TRAK1: variants seen among roughly 807,000 people sequenced by gnomAD.
TRAK1 encodes the protein trafficking kinesin-binding protein 1.
A neutral mutation model predicts 92.1 loss-of-function variants in TRAK1; 33 were observed. That is an observed-to-expected ratio of 0.36 (90% CI 0.27 to 0.48). TRAK1 has a LOEUF of 0.48. Among genes scored for constraint, TRAK1 ranks in the 20% least tolerant of loss-of-function variants. The probability of loss-of-function intolerance (pLI) is 0.99; values close to 1 mark genes in which losing one functional copy is unlikely to be tolerated. For missense variants in TRAK1, 1,123 were observed against 1,257.9 expected, an observed-to-expected ratio of 0.89 and a Z score of 1.62; for synonymous variants, 521 against 517.3, an observed-to-expected ratio of 1.01 and a Z score of -0.10.
chr3:42,029,480 C>T (rs1317050301), intron 1 of TRAK1, among the ~76,000 whole-genome samples: 1 of 151,342 alleles, frequency 6.6e-6, no homozygotes, highest in African/African-American at 2.4e-5. Flanking sequence ...GAGCTCAAGG[C>T]ATCCTCCCTC....
intron 2 of TRAK1, among the ~76,000 whole-genome samples, chr3:42,158,670 G>A (rs987105870): frequency 6.6e-6 from 1 of 150,894 alleles, no homozygotes; most frequent in African/African-American, 2.4e-5. Context: ...AGGTCTGGGC[G>A]TGGTGGTTCA....
At chr3:42,179,152 G>A (rs888110188) in intron 3 of TRAK1, among the ~76,000 whole-genome samples, 9 of 152,154 alleles carry the variant, frequency 5.9e-5, no homozygotes, top group African/African-American at 1.7e-4. Context: ...TGGCAACAGC[G>A]TCTGTTTATG....
At chr3:42,197,265 A>G (rs914495944) in intron 10 of TRAK1, among the ~76,000 whole-genome samples, 14 of 152,058 alleles carry the variant, frequency 9.2e-5, no homozygotes, top group Admixed American at 7.9e-4. Flanking sequence ...CCCCCTGCAG[A>G]TACCAAATCC....
At chr3:42,196,956 C>CCTCTCTCT (rs145953745) in intron 10 of TRAK1, among the ~76,000 whole-genome samples, 1 of 143,508 alleles carries the variant, frequency 7.0e-6, no homozygotes, top group Non-Finnish European at 1.5e-5. Context: ...TCTCCTTTCT[C>CCTCTCTCT]CTCTCTCTCT....
intron 1 of TRAK1, among the ~76,000 whole-genome samples, chr3:42,075,164 A>T (rs188143301): frequency 2.6e-4 from 40 of 151,984 alleles, no homozygotes; most frequent in East Asian, 1.4e-3. Context: ...TTAAAAATTT[A>T]AAAAAAATTT....
At chr3:42,112,135 C>CT (rs1223261204) in intron 1 of TRAK1, among the ~76,000 whole-genome samples, 1,978 of 70,914 alleles carry the variant, frequency 0.028, 31 homozygotes, top group African/African-American at 0.048. Context: ...TCAGCTCTTA[C>CT]TTTTTTTTTT....
upstream of TRAK1, among the ~76,000 whole-genome samples, chr3:42,013,510 G>C (rs1377931451): frequency 6.6e-6 from 1 of 151,534 alleles, no homozygotes; most frequent in Non-Finnish European, 1.5e-5. The surrounding 1 kb of genome is among the most constrained non-coding windows in gnomAD (Gnocchi z 5.1). Flanking sequence ...CAGGCGACTA[G>C]GACGTGGCCG....
At chr3:42,102,136 C>A (rs1706853796) in intron 1 of TRAK1, among the ~76,000 whole-genome samples, 1 of 152,232 alleles carries the variant, frequency 6.6e-6, no homozygotes, top group Non-Finnish European at 1.5e-5. Flanking sequence ...CAGGCGCACA[C>A]CACCATGCCT....
In TRAK1 at chr3:42,223,745, AG is replaced by A. The variant is rs779199733; in HGVS notation, c.*14del. 3.1e-6 allele frequency: 5 copies of A among 1,594,224 alleles called. No individual in the cohort carries two copies. In the East Asian group the frequency reaches 6.8e-5, roughly 22 times the overall value. On this transcript the variant is annotated 3_prime_UTR_variant, in exon 16 of 16. Transcript: ENST00000327628. The surrounding 1 kb of genome is among the most constrained non-coding windows in gnomAD (Gnocchi z 6.1). ...CAAACTAGCTTACGGTGAGGACTGG[AG>A]GGGGGCCGGTTGCCCTAGAGGAGAC... is the stretch of plus-strand genomic sequence containing the variant.
chr3:42,024,016 A>G (rs1011177681), intron 1 of TRAK1, among the ~76,000 whole-genome samples: 1 of 152,020 alleles, frequency 6.6e-6, no homozygotes, highest in Non-Finnish European at 1.5e-5. Context: ...TGGCCCCCCA[A>G]AGTGCTGGGA....
chr3:42,021,264 A>G (rs1701712350), intron 1 of TRAK1, among the ~76,000 whole-genome samples: 1 of 152,160 alleles, frequency 6.6e-6, no homozygotes, highest in South Asian at 2.1e-4. Context: ...AAAGAGTGTC[A>G]CCTAGACAGT....
chr3:42,225,574 C>G lies in TRAK1; in HGVS notation c.*1837C>G, dbSNP rs890833471. ...GACTGAATGGACCATTTTATGTATT[C>G]AGAGAGAGAAGCCACTCATCATTGC... On this transcript the variant is annotated 3_prime_UTR_variant, in exon 16 of 16. Coordinates refer to ENST00000327628, the MANE Select transcript of TRAK1 (RefSeq NM_001042646.3). 6.6e-6 allele frequency: 1 copy of G among 152,122 alleles called. No individual in the cohort carries two copies. Among genetic ancestry groups the G allele is most frequent in the African/African-American group, 2.4e-5 (1 of 41,404 alleles). The allele number at this position is 152,122 out of a possible 1,614,324, so 9.4% of individuals were successfully genotyped here. A position where few individuals can be genotyped will look rare whatever the true frequency, so the allele number is the denominator to read the frequency against.
At chr3:42,024,264 G>A (rs1335711986) in intron 1 of TRAK1, among the ~76,000 whole-genome samples, 2 of 152,172 alleles carry the variant, frequency 1.3e-5, no homozygotes, top group Non-Finnish European at 1.5e-5. Context: ...GTGAAGGGTA[G>A]GGTTCACAGG....
chr3:42,112,506 G>A (rs1020988865), intron 1 of TRAK1, among the ~76,000 whole-genome samples: 2 of 151,256 alleles, frequency 1.3e-5, no homozygotes, highest in African/African-American at 4.9e-5. Flanking sequence ...AGGCAAAGGC[G>A]AGTAGATCAC....
Position 42,216,514 on chromosome 3 carries a change from A to G in TRAK1, c.1964-2980A>G, listed in dbSNP as rs530745994. ...AAGTAAGAGTGGTTCTCACTCTTGC[A>G]AAGTCCTCTGATGTGTCCACCTGTA... On this transcript the variant is annotated intron_variant, in intron 14 of 15. Transcript: ENST00000327628. 5.8e-4 allele frequency among the ~76,000 whole-genome samples: 89 copies of G among 152,220 alleles called. 1 individual carries two copies. The highest frequency in any genetic ancestry group is 9.6e-4 in the Non-Finnish European group (65 of 68,030).
At chr3:42,182,223 C>T (rs758247884) in intron 3 of TRAK1, among the ~76,000 whole-genome samples, 8 of 152,016 alleles carry the variant, frequency 5.3e-5, no homozygotes, top group Non-Finnish European at 1.2e-4. Flanking sequence ...TCCACATGTA[C>T]TGTGTTCCCA....
chr3:42,222,911 C>A, intron 15 of TRAK1, 31 bp from the exon 16 acceptor site: 1 of 1,592,402 alleles, frequency 6.3e-7, no homozygotes, highest in South Asian at 1.1e-5. Context: ...ATGGGCATTT[C>A]TGGTGAATAA....
At chr3:42,105,222 G>A (rs899104370) in intron 1 of TRAK1, among the ~76,000 whole-genome samples, 1 of 152,146 alleles carries the variant, frequency 6.6e-6, no homozygotes, top group Non-Finnish European at 1.5e-5. Flanking sequence ...CCAAAGTGCT[G>A]GGATTACAGG....
chr3:42,201,873 C>T (rs1358076464), intron 12 of TRAK1, among the ~76,000 whole-genome samples: 12 of 133,034 alleles, frequency 9.0e-5, no homozygotes, highest in East Asian at 6.8e-4. Context: ...GACGGACGGA[C>T]GGACAGACGG....
Sources: allele counts gnomAD v4.1 joint callset (sites outside exome capture counted in the v4.1 genomes callset), GRCh38; gene constraint gnomAD v4.1.1; non-coding constraint Gnocchi (gnomAD v3.1); transcripts MANE v1.5; gene names NCBI Gene and HGNC (gene_info 2026-07-23, HGNC 2026-07-21).